The following DISC1 variants were observed in gnomAD, a reference collection of about 807,000 sequenced individuals.
DISC1 encodes the protein DISC1 scaffold protein.
Under a neutral mutation model 84.5 loss-of-function variants are expected in DISC1, and 57 were observed. The ratio of observed to expected loss-of-function variants is 0.67; its 90% CI spans 0.55 to 0.84. The LOEUF (loss-of-function observed/expected upper bound fraction) is 0.84, where lower values mean the gene tolerates loss of function less well. Among genes scored for constraint, DISC1 ranks in the 40% least tolerant of loss-of-function variants. The pLI is 0.00. For synonymous variants in DISC1, 411 were observed against 415.2 expected (o/e 0.99, Z 0.12); for missense variants, 1,000 against 1,057.8 (o/e 0.95, Z 0.76).
intron 10 of DISC1, among the ~76,000 whole-genome samples, chr1:231,966,578 C>G (rs943661925): frequency 1.3e-5 from 2 of 152,218 alleles, no homozygotes; most frequent in South Asian, 2.1e-4. Context: ...AAGCCCTCCC[C>G]CTGAGGATGG....
intron 9 of DISC1, among the ~76,000 whole-genome samples, chr1:231,891,511 G>C (rs2087214817): frequency 6.6e-6 from 1 of 152,166 alleles, no homozygotes; most frequent in African/African-American, 2.4e-5. Context: ...CTTTATTGTG[G>C]TTTCTGCAGG....
At chr1:231,939,190 A>G (rs188828020) in intron 9 of DISC1, among the ~76,000 whole-genome samples, 18 of 152,316 alleles carry the variant, frequency 1.2e-4, no homozygotes, top group Non-Finnish European at 5.9e-5. Flanking sequence ...ATAAGTAGTA[A>G]TAGAGTGGTT....
At chr1:231,988,647 G>A (rs2102905685) in intron 10 of DISC1, among the ~76,000 whole-genome samples, 1 of 152,306 alleles carries the variant, frequency 6.6e-6, no homozygotes, top group Middle Eastern at 3.4e-3. Flanking sequence ...CTGTCCCCTT[G>A]ATCTTGGACT....
At chr1:231,950,406 CGCCAGAAA>C (rs1658147763) in intron 9 of DISC1, among the ~76,000 whole-genome samples, 1 of 152,062 alleles carries the variant, frequency 6.6e-6, no homozygotes, top group Non-Finnish European at 1.5e-5. Flanking sequence ...CAGTTATATG[CGCCAGAAA>C]GCAAGAAAGC....
intron 3 of DISC1, among the ~76,000 whole-genome samples, chr1:231,708,604 A>G (rs1558389533): frequency 6.6e-6 from 1 of 152,162 alleles, no homozygotes; most frequent in Non-Finnish European, 1.5e-5. Context: ...TGTGGGAAGA[A>G]TTGTCACTAT....
rs1451091453 is a variant in DISC1, at chr1:232,038,759, T to G, written c.*1928T>G. The G allele has an allele frequency of 1.3e-5, 2 of 152,186 alleles. No individual in the cohort carries two copies. The highest frequency in any genetic ancestry group is 2.1e-4 in the South Asian group (1 of 4,832). The allele number at this position is 152,186 out of a possible 1,614,324, so 9.4% of individuals were successfully genotyped here. ...AGATTGGTAAATTTAATCCAGTGGTTGTTCTGTTTGTGCTTCTGTTCTCAT... is the reference window on the plus strand; with the variant it reads ...AGATTGGTAAATTTAATCCAGTGGTGGTTCTGTTTGTGCTTCTGTTCTCAT... On this transcript the variant is annotated 3_prime_UTR_variant, in exon 13 of 13. Transcript: ENST00000439617.
intron 9 of DISC1, chr1:231,941,053 G>A (rs1037474674): frequency 1.3e-5 from 2 of 152,240 alleles, no homozygotes; most frequent in Non-Finnish European, 2.9e-5. Flanking sequence ...GCATGCAGGT[G>A]AACAGATGGG....
At chr1:231,967,380 A>T (rs1661269093) in intron 10 of DISC1, among the ~76,000 whole-genome samples, 1 of 152,254 alleles carries the variant, frequency 6.6e-6, no homozygotes, top group Non-Finnish European at 1.5e-5. Context: ...AGAACATATT[A>T]TAATTTCTAT....
rs969852440 is a variant in DISC1 at position 232,015,184 on chromosome 1, C to T, written c.2307+6135C>T. 2.6e-5 allele frequency among the ~76,000 whole-genome samples: 4 copies of T among 152,300 alleles called. No individual in the cohort carries two copies. In the East Asian group the frequency reaches 5.8e-4, roughly 22 times the overall value. ...CTGTCATCAGCTTGTCAGCCTCCTTCACCTGCCCAAGGGAAGGAAGGGGAC... is the reference window on the plus strand; with the variant it reads ...CTGTCATCAGCTTGTCAGCCTCCTTTACCTGCCCAAGGGAAGGAAGGGGAC... On this transcript the variant is annotated intron_variant, in intron 11 of 12. Coordinates refer to ENST00000439617, the MANE Select transcript of DISC1 (RefSeq NM_018662.3).
intron 9 of DISC1, among the ~76,000 whole-genome samples, chr1:231,939,134 C>T (rs2091154150): frequency 6.6e-6 from 1 of 152,168 alleles, no homozygotes; most frequent in Non-Finnish European, 1.5e-5. Context: ...TGTCTTCCCT[C>T]TTGGAATGTC....
intron 10 of DISC1, among the ~76,000 whole-genome samples, chr1:232,004,541 G>A (rs1253997189): frequency 2.6e-5 from 4 of 152,172 alleles, no homozygotes; most frequent in South Asian, 2.1e-4. Flanking sequence ...GAATGTAAAA[G>A]TTAAAGATAC....
chr1:231,742,738 T>C (rs1209694904), intron 3 of DISC1, among the ~76,000 whole-genome samples: 2 of 151,832 alleles, frequency 1.3e-5, no homozygotes, highest in African/African-American at 2.4e-5. Flanking sequence ...CAGGGCTCCT[T>C]AGCTACAAAA....
intron 9 of DISC1, among the ~76,000 whole-genome samples, chr1:231,838,937 T>C (rs78944071): frequency 0.011 from 1,739 of 152,280 alleles, 23 homozygotes; most frequent in African/African-American, 0.04. Context: ...CAAGATGTGA[T>C]TCCTGACCTC....
intron 9 of DISC1, among the ~76,000 whole-genome samples, chr1:231,897,000 C>T (rs1019994385): frequency 1.3e-5 from 2 of 152,108 alleles, no homozygotes; most frequent in East Asian, 3.9e-4. Flanking sequence ...CTGACTGTTA[C>T]GGGATCTAGA....
chr1:231,664,394 G>A (rs1230182487), intron 1 of DISC1, among the ~76,000 whole-genome samples: 2 of 152,122 alleles, frequency 1.3e-5, no homozygotes, highest in African/African-American at 4.8e-5. Flanking sequence ...CCCCAAAGAT[G>A]TCTGCATCCC....
intron 11 of DISC1, among the ~76,000 whole-genome samples, chr1:232,025,758 G>T (rs142767965): frequency 1.3e-4 from 20 of 152,022 alleles, no homozygotes; most frequent in Non-Finnish European, 2.8e-4. Flanking sequence ...CACTACGCCC[G>T]GCTAATTTTT....
intron 1 of DISC1, among the ~76,000 whole-genome samples, chr1:231,688,841 G>T (rs1056639949): frequency 7.9e-5 from 12 of 152,156 alleles, no homozygotes; most frequent in Admixed American, 7.2e-4. Context: ...GATTAAATTG[G>T]AAATAGAATA....
intron 1 of DISC1, among the ~76,000 whole-genome samples, chr1:231,650,146 T>C (rs974913072): frequency 6.6e-6 from 1 of 152,202 alleles, no homozygotes; most frequent in African/African-American, 2.4e-5. Flanking sequence ...TGATGCAGTT[T>C]CTTCCTAGCA....
chr1:232,005,725 A>G (rs1221092750), intron 10 of DISC1, among the ~76,000 whole-genome samples: 1 of 152,342 alleles, frequency 6.6e-6, no homozygotes, highest in East Asian at 1.9e-4. Context: ...AATAGGGAAC[A>G]TGATGGAGAA....
Sources: allele counts gnomAD v4.1 joint callset (sites outside exome capture counted in the v4.1 genomes callset), GRCh38; gene constraint gnomAD v4.1.1; transcripts MANE v1.5; gene names NCBI Gene and HGNC (gene_info 2026-07-23, HGNC 2026-07-21).